The following ZFHX3 variants were observed in gnomAD, a reference collection of about 807,000 sequenced individuals.
The protein encoded by ZFHX3 is zinc finger homeobox 3, also known as zinc finger homeobox protein 3.
In ZFHX3, 42 loss-of-function variants were observed where a neutral mutation model predicts 279.1. The observed-to-expected ratio is 0.15, with a 90% CI of 0.12 to 0.19. ZFHX3 has a LOEUF of 0.19. ZFHX3 is among the 10% of genes least tolerant of loss of function. The pLI is 1.00. For missense variants in ZFHX3, 4,981 were observed against 4,754.0 expected (o/e 1.05, Z -1.40); for synonymous variants, 2,293 against 1,957.8 (o/e 1.17, Z -4.52).
intron 3 of ZFHX3, among the ~76,000 whole-genome samples, chr16:73,442,518 G>A (rs552724210): frequency 7.9e-5 from 12 of 152,016 alleles, no homozygotes; most frequent in South Asian, 2.1e-4. Context: ...TTTTGTGTGC[G>A]TAGTTAACCA....
chr16:73,473,911 C>T (rs1345727130), intron 2 of ZFHX3, among the ~76,000 whole-genome samples: 1 of 152,022 alleles, frequency 6.6e-6, no homozygotes, highest in African/African-American at 2.4e-5. Context: ...GCCAGGCCTG[C>T]TCCCTTCTGA....
At chr16:73,526,130 T>G (rs1263449926) in intron 2 of ZFHX3, among the ~76,000 whole-genome samples, 1 of 152,232 alleles carries the variant, frequency 6.6e-6, no homozygotes, top group Non-Finnish European at 1.5e-5. Flanking sequence ...TGCCGCACAA[T>G]GGCCAGCGTG....
intron 2 of ZFHX3, among the ~76,000 whole-genome samples, chr16:73,486,598 C>T (rs1419314465): frequency 7.2e-5 from 11 of 152,166 alleles, no homozygotes; most frequent in Non-Finnish European, 1.5e-5. Flanking sequence ...CCAGAGGGTC[C>T]CCCACATAAA....
intron 5 of ZFHX3, among the ~76,000 whole-genome samples, chr16:73,254,243 C>T (rs2013598283): frequency 6.6e-6 from 1 of 152,160 alleles, no homozygotes; most frequent in Non-Finnish European, 1.5e-5. Flanking sequence ...CTTACCGGAT[C>T]CATCCTTCCC....
intron 3 of ZFHX3, among the ~76,000 whole-genome samples, chr16:73,451,656 G>A (rs1341057106): frequency 1.3e-5 from 2 of 152,048 alleles, no homozygotes; most frequent in Non-Finnish European, 2.9e-5. Flanking sequence ...TATTATTTTG[G>A]TTATTACTAC....
At chr16:73,512,669 C>G (rs1160386037) in intron 2 of ZFHX3, among the ~76,000 whole-genome samples, 2 of 152,162 alleles carry the variant, frequency 1.3e-5, no homozygotes, top group African/African-American at 4.8e-5. Flanking sequence ...TGGAGCCAGT[C>G]TTAGTACCTG....
At chr16:73,644,926 C>G (rs973252354) in intron 2 of ZFHX3, among the ~76,000 whole-genome samples, 1 of 152,170 alleles carries the variant, frequency 6.6e-6, no homozygotes, top group Non-Finnish European at 1.5e-5. Context: ...ACAGCAGAGG[C>G]TGACACGAAG....
chr16:73,324,454 C>T (rs866150382), intron 3 of ZFHX3, among the ~76,000 whole-genome samples: 1 of 152,110 alleles, frequency 6.6e-6, no homozygotes, highest in African/African-American at 2.4e-5. Context: ...GTAAGGTATT[C>T]ATTTTTGTGG....
chr16:72,806,137 C>T (rs1473271397), intron 7 of ZFHX3: 1 of 152,206 alleles, frequency 6.6e-6, no homozygotes, highest in Non-Finnish European at 1.5e-5. Context: ...GGACTCAAGC[C>T]ATCTTCCCAC....
Position 72,797,310 on chromosome 16 carries a change from T to C in ZFHX3, c.5372A>G (p.Gln1791Arg). 1 of 1,605,606 alleles carries C rather than the reference T, an allele frequency of 6.2e-7. No homozygotes were observed. The highest frequency in any genetic ancestry group is 8.5e-7 in the Non-Finnish European group (1 of 1,175,160). Residue 1791 changes from glutamine to arginine, a missense_variant, in exon 9 of 10, where the codon CAG (glutamine) becomes CGG (arginine). Gln to Arg is a conservative substitution (Grantham distance 43). This residue lies in a region of ZFHX3 where 1,751 missense variants were observed against 1,770.0 expected (regional missense o/e 0.99). Transcript: ENST00000268489. ...PMTTETLLQL[Q>R]QQQHLLFPFY... ...AGGGAAGAGGAGGTGCTGCTGCTGC[T>C]GTAGTTGCAGCAGGGTCTCAGTTGT...
chr16:73,742,157 T>C (rs2053663621), intron 1 of ZFHX3, among the ~76,000 whole-genome samples: 1 of 152,238 alleles, frequency 6.6e-6, no homozygotes, highest in South Asian at 2.1e-4. Context: ...AAGCTATTTA[T>C]ACTTTTCTAA....
chr16:73,466,926 G>A (rs553572614), intron 2 of ZFHX3, among the ~76,000 whole-genome samples: 2 of 152,146 alleles, frequency 1.3e-5, no homozygotes, highest in East Asian at 3.9e-4. Context: ...ACAGAGCAAA[G>A]CATGAGCTTT....
At chr16:73,556,495 G>C (rs566805177) in intron 2 of ZFHX3, among the ~76,000 whole-genome samples, 1 of 152,278 alleles carries the variant, frequency 6.6e-6, no homozygotes, top group African/African-American at 2.4e-5. Flanking sequence ...AAAAGAAAGC[G>C]GTACAGCCTG....
intron 1 of ZFHX3, among the ~76,000 whole-genome samples, chr16:73,036,617 G>T (rs886540147): frequency 6.6e-6 from 1 of 151,988 alleles, no homozygotes; most frequent in African/African-American, 2.4e-5. Context: ...GGTAGAGGAA[G>T]AGGAGGGGAG....
At chr16:73,227,383 C>T (rs1302042216) in intron 5 of ZFHX3, among the ~76,000 whole-genome samples, 1 of 152,140 alleles carries the variant, frequency 6.6e-6, no homozygotes, top group Non-Finnish European at 1.5e-5. Context: ...GAGTGCAGAA[C>T]TTTCTACTTA....
intron 1 of ZFHX3, among the ~76,000 whole-genome samples, chr16:73,017,961 G>A (rs1384160600): frequency 2.0e-5 from 3 of 151,636 alleles, no homozygotes; most frequent in Non-Finnish European, 2.9e-5. Flanking sequence ...TTTCGATGAA[G>A]TGGGACCTAT....
chr16:73,450,949 T>C (rs1567488141), intron 3 of ZFHX3, among the ~76,000 whole-genome samples: 1 of 152,218 alleles, frequency 6.6e-6, no homozygotes, highest in Non-Finnish European at 1.5e-5. Context: ...TGGAATGGCT[T>C]ATCTGAGGGA....
At chr16:73,789,025 T>A (rs112713086) in intron 1 of ZFHX3, among the ~76,000 whole-genome samples, 1,973 of 150,608 alleles carry the variant, frequency 0.013, 18 homozygotes, top group Non-Finnish European at 0.022. Context: ...ATTCCAGACA[T>A]CAGTGTGTTT....
intron 5 of ZFHX3, chr16:73,144,231 G>A (rs1216808198): frequency 3.1e-5 from 5 of 158,946 alleles, no homozygotes; most frequent in African/African-American, 9.6e-5. Context: ...TTGTACTCAT[G>A]GAATTCTCCT....
Sources: allele counts gnomAD v4.1 joint callset (sites outside exome capture counted in the v4.1 genomes callset), GRCh38; gene constraint gnomAD v4.1.1; regional missense constraint gnomAD v4.1.1; transcripts MANE v1.5; gene names NCBI Gene and HGNC (gene_info 2026-07-23, HGNC 2026-07-21).